The following ZNF875 variants were observed in gnomAD, a reference collection of about 807,000 sequenced individuals.
ZNF875 encodes the protein zinc finger protein 875.
In ZNF875, 14 loss-of-function variants were observed where a neutral mutation model predicts 11.2. The observed-to-expected ratio is 1.26, with a 90% CI of 0.83 to 1.96. The LOEUF is 1.96. Among genes scored for constraint, ZNF875 ranks in the 30% most tolerant of loss-of-function variants. The pLI is 0.00. For synonymous variants in ZNF875, 301 were observed against 281.1 expected, an observed-to-expected ratio of 1.07 and a Z score of -0.71; for missense variants, 752 against 760.4, an observed-to-expected ratio of 0.99 and a Z score of 0.13.
At chr19:37,345,292 G>A (rs868480426) in intron 2 of ZNF875, among the ~76,000 whole-genome samples, 18 of 152,196 alleles carry the variant, frequency 1.2e-4, no homozygotes, top group African/African-American at 3.9e-4. Flanking sequence ...CTTCTCTTGC[G>A]ATTAAGTACA....
chr19:37,334,748 T>A lies in ZNF875; in HGVS notation c.-91T>A, dbSNP rs1568579407. On this transcript the variant is annotated 5_prime_UTR_variant, in exon 1 of 5. Coordinates refer to ENST00000392153, the MANE Select transcript of ZNF875 (RefSeq NM_001353803.2). ...ACCTCTGCACCTTGTTACCTGACTT[T>A]CGGCTTCAGGATCCGCAGCGTGCAC... is the stretch of plus-strand genomic sequence containing the variant. The A allele has an allele frequency of 2.2e-6, 1 of 456,248 alleles. No homozygotes were observed. Among genetic ancestry groups the A allele is most frequent in the Non-Finnish European group, 4.4e-6 (1 of 226,908 alleles). The allele number at this position is 456,248 out of a possible 1,614,324, so 28.3% of individuals were successfully genotyped here. A position where few individuals can be genotyped will look rare whatever the true frequency, so the allele number is the denominator to read the frequency against.
chr19:37,312,990 C>G (rs2145595722), upstream of ZNF875: 1 of 152,320 alleles, frequency 6.6e-6, no homozygotes, highest in South Asian at 2.1e-4. Context: ...CCACCTGCCC[C>G]TCAAAGCCAC....
chr19:37,361,834 T>C (rs888378048), intron 4 of ZNF875: 3 of 350,754 alleles, frequency 8.6e-6, no homozygotes, highest in African/African-American at 6.5e-5. Context: ...GGAGAATCGC[T>C]TGAACCCTGG....
At chr19:37,316,761 CA>C (rs1459305595), upstream of ZNF875, among the ~76,000 whole-genome samples, 1 of 151,940 alleles carries the variant, frequency 6.6e-6, no homozygotes, top group African/African-American at 2.4e-5. Flanking sequence ...CTCCCGGGTT[CA>C]AGCGATTCTT....
rs1345444498 is a variant in ZNF875, at chr19:37,320,399, C to T, written c.-746-1786C>T. Among the ~76,000 whole-genome samples the T allele has an allele frequency of 2.6e-5, 4 of 152,230 alleles. No homozygotes were observed. In the East Asian group the frequency reaches 7.7e-4, roughly 29 times the overall value. ...CAAATAGCCTTCATGGTTGTCACTG[C>T]TTCCCAATGACAATTCCAAATAACA... On this transcript the variant is annotated intron_variant, in intron 1 of 5. Coordinates refer to the ZNF875 transcript ENST00000544914.
chr19:37,345,072 C>A (rs909420015), intron 2 of ZNF875: 5 of 281,278 alleles, frequency 1.8e-5, no homozygotes, highest in Non-Finnish European at 3.5e-5. Flanking sequence ...CCTACAGTGA[C>A]CTCTCCCTCT....
chr19:37,347,448 G>T, intron 3 of ZNF875, 132 bp downstream of exon 3: 1 of 828,498 alleles, frequency 1.2e-6, no homozygotes, highest in Non-Finnish European at 1.9e-6. Context: ...TTTCCTCTGG[G>T]TAAATCTGGA....
upstream of ZNF875, among the ~76,000 whole-genome samples, chr19:37,333,533 A>G (rs1395092774): frequency 6.6e-6 from 1 of 152,152 alleles, no homozygotes; most frequent in African/African-American, 2.4e-5. Context: ...TGGAGGGGGT[A>G]GGGTGTGAAG....
chr19:37,344,081 CTTTG>C (rs2036299695), intron 2 of ZNF875, among the ~76,000 whole-genome samples: 1 of 152,044 alleles, frequency 6.6e-6, no homozygotes, highest in African/African-American at 2.4e-5. Flanking sequence ...CCAATAGCAA[CTTTG>C]TTTAATTCTC....
At chr19:37,348,290 A>G (rs903782806) in intron 4 of ZNF875, among the ~76,000 whole-genome samples, 2 of 152,198 alleles carry the variant, frequency 1.3e-5, no homozygotes, top group African/African-American at 4.8e-5. Context: ...AGCTATGACT[A>G]ATAATAAAAT....
At chr19:37,340,388 G>GCT (rs1314047800) in intron 2 of ZNF875, among the ~76,000 whole-genome samples, 1 of 152,136 alleles carries the variant, frequency 6.6e-6, no homozygotes, top group Non-Finnish European at 1.5e-5. Flanking sequence ...TCACATGAAA[G>GCT]CTCACATAGT....
At chr19:37,357,021 GT>G (rs1324927855) in intron 4 of ZNF875, among the ~76,000 whole-genome samples, 3 of 152,138 alleles carry the variant, frequency 2.0e-5, no homozygotes, top group Non-Finnish European at 4.4e-5. Flanking sequence ...GAAGGGTCCA[GT>G]TTCATTCTCT....
chr19:37,326,222 A>G (rs1391171802), intron 4 of ZNF875, among the ~76,000 whole-genome samples: 1 of 152,210 alleles, frequency 6.6e-6, no homozygotes. Context: ...TGGACTAGCC[A>G]TCTTTCAAGT....
At chr19:37,335,472 G>A (rs1285955912) in intron 2 of ZNF875, among the ~76,000 whole-genome samples, 6 of 152,148 alleles carry the variant, frequency 3.9e-5, no homozygotes, top group Admixed American at 2.6e-4. Flanking sequence ...GGACCTGGTG[G>A]ACTGAACAAA....
chr19:37,362,653 A>G lies in ZNF875; in HGVS notation c.801A>G (p.Ser267=). ...GGGGAGACAGCTTTGGCAGTATGTC[A>G]GTCCTCATCAAAAACCCAAGGACAC... ...TEWGDSFGSM[S]VLIKNPRTHS... The change falls in exon 5 of 5, where the codon TCA becomes TCG. Residue 267 remains serine, a synonymous_variant. Transcript: ENST00000392153. 6.2e-7 allele frequency: 1 copy of G among 1,613,116 alleles called. No homozygotes were observed. The highest frequency in any genetic ancestry group is 1.1e-5 in the South Asian group (1 of 90,904).
upstream of ZNF875, among the ~76,000 whole-genome samples, chr19:37,330,401 C>G (rs1295263011): frequency 2.6e-5 from 4 of 152,206 alleles, no homozygotes; most frequent in Non-Finnish European, 5.9e-5. Flanking sequence ...CCAGGGTTGC[C>G]TGTCACCTTT....
At chr19:37,346,436 C>T (rs906645548) in intron 2 of ZNF875, 3 of 152,578 alleles carry the variant, frequency 2.0e-5, no homozygotes, top group Admixed American at 1.3e-4. Flanking sequence ...TGAGCAGGCA[C>T]GTGGCAGCAT....
At chr19:37,355,240 A>C (rs563020399) in intron 4 of ZNF875, among the ~76,000 whole-genome samples, 1 of 152,248 alleles carries the variant, frequency 6.6e-6, no homozygotes, top group South Asian at 2.1e-4. Flanking sequence ...CCCAGGCTGG[A>C]GTGCAGTGGC....
intron 4 of ZNF875, among the ~76,000 whole-genome samples, chr19:37,354,782 G>C (rs562313504): frequency 1.3e-5 from 2 of 152,078 alleles, no homozygotes; most frequent in African/African-American, 4.8e-5. Flanking sequence ...GTTGGTTCTC[G>C]TGAGATCAAG....
Sources: gnomAD v4.1 joint callset for allele counts (sites outside exome capture counted in the v4.1 genomes callset) on GRCh38, gnomAD v4.1.1 for gene constraint, MANE v1.5 for transcripts, NCBI Gene and HGNC (gene_info 2026-07-23, HGNC 2026-07-21) for gene names.